GNG2: variants seen among roughly 807,000 people sequenced by gnomAD.
GNG2 encodes G protein subunit gamma 2.
In GNG2, 5 loss-of-function variants were observed where a neutral mutation model predicts 5.5. The observed-to-expected ratio is 0.91, with a 90% CI of 0.48 to 1.92. The LOEUF (loss-of-function observed/expected upper bound fraction) is 1.92, where lower values mean the gene tolerates loss of function less well. Ranked by LOEUF, GNG2 falls within the 30% of genes most tolerant of loss-of-function variation. The pLI, the probability that GNG2 is intolerant of heterozygous loss-of-function variation, is 0.01. For synonymous variants in GNG2, 28 were observed against 32.0 expected (o/e 0.88, Z 0.42); for missense variants, 55 against 88.4 (o/e 0.62, Z 1.52).
intron 1 of GNG2, among the ~76,000 whole-genome samples, chr14:51,861,575 G>A (rs1953863): frequency 0.41 from 62,963 of 152,122 alleles, 13,786 homozygotes; most frequent in South Asian, 0.5. Flanking sequence ...CAGCTGGGTT[G>A]TTTCCTTACG....
At position 51,854,728 on chromosome 14, in the gene GNG2, C is replaced by G. The variant is rs372408835; in HGVS notation, c.64+26921C>G. Among the ~76,000 whole-genome samples, 898 of 152,008 alleles carry G rather than the reference C, an allele frequency of 5.9e-3. 2 individuals carry two copies. Among genetic ancestry groups the G allele is most frequent in the Non-Finnish European group, 0.01 (703 of 67,904 alleles). The stretch of plus-strand genomic sequence containing the variant: ...GGGTTTTGCCATGTTGGCCAGGCTG[C>G]TCTCAAACCCCTGACCTCAAGTGAT... On this transcript the variant is annotated intron_variant, in intron 2 of 3. Transcript: ENST00000553432.
Position 51,942,583 on chromosome 14 carries a change from T to TTCTG in GNG2, c.-29-8064_-29-8063insGTCT, listed in dbSNP as rs771844202. 3.1e-3 allele frequency among the ~76,000 whole-genome samples: 210 copies of TTCTG among 67,248 alleles called. 1 individual carries two copies. Among genetic ancestry groups the TTCTG allele is most frequent in the East Asian group, 0.023 (75 of 3,212 alleles). The allele number at this position is 67,248 out of a possible 152,430, so 44.1% of individuals were successfully genotyped here. A position where few individuals can be genotyped will look rare whatever the true frequency, so the allele number is the denominator to read the frequency against. ...TTATTTATTTTTTCTCTTTCTTTCT[T>TTCTG]TCTTTCTTTTTTTTTTTTTTTTTAG... On this transcript the variant is annotated intron_variant, in intron 2 of 3. Transcript: ENST00000556766.
At position 51,918,366 on chromosome 14, in the gene GNG2, A is replaced by G. The variant is rs1329701467; in HGVS notation, c.-29-32284A>G. 2.0e-5 allele frequency among the ~76,000 whole-genome samples: 3 copies of G among 152,340 alleles called. No homozygotes were observed. In the East Asian group the frequency reaches 5.8e-4, roughly 29 times the overall value. ...AGCTGAGAGCATTTTTCCAAAAAAT[A>G]AAGTCAACTTTTACCTCCTTCATTT... On this transcript the variant is annotated intron_variant, in intron 2 of 3. Coordinates refer to ENST00000556766, the MANE Select transcript of GNG2 (RefSeq NM_053064.5).
intron 2 of GNG2, among the ~76,000 whole-genome samples, chr14:51,886,151 T>C (rs1373981305): frequency 1.3e-5 from 2 of 152,214 alleles, no homozygotes; most frequent in South Asian, 2.1e-4. Context: ...AAAAGGTTGA[T>C]GTCACCATGG....
intron 3 of GNG2, among the ~76,000 whole-genome samples, chr14:51,956,387 C>T (rs1889274245): frequency 6.6e-6 from 1 of 152,070 alleles, no homozygotes; most frequent in African/African-American, 2.4e-5. Context: ...AGACTAAGCT[C>T]TTACCTGTGG....
At chr14:51,828,555 A>G (rs1421373525) in intron 2 of GNG2, among the ~76,000 whole-genome samples, 1 of 152,162 alleles carries the variant, frequency 6.6e-6, no homozygotes, top group Non-Finnish European at 1.5e-5. Flanking sequence ...TGTTGTTTTC[A>G]CTGGGCTGTG....
At chr14:51,845,030 G>A (rs1034223544) in intron 2 of GNG2, among the ~76,000 whole-genome samples, 41 of 152,254 alleles carry the variant, frequency 2.7e-4, no homozygotes, top group African/African-American at 8.7e-4. Context: ...CAGCCCTCCT[G>A]CCACAATTTT....
At chr14:51,862,689 A>G (rs1198813005) in intron 1 of GNG2, among the ~76,000 whole-genome samples, 1 of 152,268 alleles carries the variant, frequency 6.6e-6, no homozygotes, top group Non-Finnish European at 1.5e-5. Flanking sequence ...GGCATAGTAG[A>G]GTCAAGAGGG....
Position 51,950,739 on chromosome 14 carries a change from A to G in GNG2, c.61A>G (p.Met21Val). The G allele has an allele frequency of 6.2e-7, 1 of 1,609,870 alleles. No homozygotes were observed. The highest frequency in any genetic ancestry group is 8.5e-7 in the Non-Finnish European group (1 of 1,178,126). The change falls in exon 3 of 4, where the codon ATG (methionine) becomes GTG (valine). Residue 21 changes from methionine to valine, a missense_variant. Physicochemically the swap from Met to Val is conservative, Grantham distance 21. Coordinates refer to ENST00000556766, the MANE Select transcript of GNG2 (RefSeq NM_053064.5). ...QARKLVEQLK[M>V]EANIDRIKVS... ...CAGGAAGCTGGTAGAGCAGCTTAAG[A>G]TGGAAGCCAATATCGACAGGATAAA...
chr14:51,962,492 A>T (rs1168364730), intron 3 of GNG2, among the ~76,000 whole-genome samples: 1 of 152,104 alleles, frequency 6.6e-6, no homozygotes, highest in Non-Finnish European at 1.5e-5. Context: ...AAAGATGTAA[A>T]TTTTTTGTAT....
intron 2 of GNG2, among the ~76,000 whole-genome samples, chr14:51,922,995 C>T (rs1376387417): frequency 2.0e-5 from 3 of 152,208 alleles, no homozygotes; most frequent in Non-Finnish European, 2.9e-5. Context: ...TGCCAACATA[C>T]GTTTTGTTAG....
At chr14:51,844,915 T>C (rs940468600) in intron 2 of GNG2, among the ~76,000 whole-genome samples, 5 of 152,032 alleles carry the variant, frequency 3.3e-5, no homozygotes, top group African/African-American at 1.2e-4. Flanking sequence ...TTAGTAGGGA[T>C]GGGGTTTCAC....
chr14:51,916,942 A>G (rs1886680930), intron 2 of GNG2, among the ~76,000 whole-genome samples: 1 of 152,142 alleles, frequency 6.6e-6, no homozygotes, highest in Admixed American at 6.5e-5. Flanking sequence ...CCTGGCTATG[A>G]GACTTAAGGA....
intron 1 of GNG2, among the ~76,000 whole-genome samples, chr14:51,862,309 C>T (rs758905105): frequency 5.3e-5 from 8 of 152,190 alleles, no homozygotes; most frequent in Non-Finnish European, 8.8e-5. Context: ...TTGAAGGATT[C>T]ACTGAATTTA....
rs571748618 is a variant in GNG2 at position 51,964,996 on chromosome 14, A to G, written c.88-1563A>G. On this transcript the variant is annotated intron_variant, in intron 3 of 3. Transcript: ENST00000556766. ...GCCATTTGTTAAAACCTCTGCATCA[A>G]TTAAGAGGGTTCCTCATAAATTATT... 6.9e-4 allele frequency among the ~76,000 whole-genome samples: 105 copies of G among 152,326 alleles called. 1 individual carries two copies. The highest frequency in any genetic ancestry group is 1.5e-3 in the South Asian group (7 of 4,822).
intron 2 of GNG2, among the ~76,000 whole-genome samples, chr14:51,935,183 C>T (rs994184916): frequency 2.0e-5 from 3 of 152,240 alleles, no homozygotes; most frequent in Admixed American, 6.5e-5. Context: ...TGCCACCACG[C>T]CCCGCTAATT....
intron 2 of GNG2, among the ~76,000 whole-genome samples, chr14:51,944,833 A>G (rs1347296650): frequency 6.6e-6 from 1 of 152,232 alleles, no homozygotes; most frequent in African/African-American, 2.4e-5. Context: ...GGACAGTTCA[A>G]CGGAGTGAAA....
chr14:51,884,221 C>T lies in GNG2; in HGVS notation c.-30+6564C>T, dbSNP rs532791832. Among the ~76,000 whole-genome samples the T allele has an allele frequency of 7.3e-4, 111 of 152,122 alleles. 1 individual carries two copies. The South Asian group carries it at 0.023, about 31-fold the overall frequency. On this transcript the variant is annotated intron_variant, in intron 2 of 3. Transcript: ENST00000556766. The stretch of plus-strand genomic sequence containing the variant: ...TATTTTTAAAATGTGCCTTTTAAAA[C>T]TGAAAGAAAAAAAATGTCAGAACCA...
intron 2 of GNG2, among the ~76,000 whole-genome samples, chr14:51,891,365 A>G (rs1207486499): frequency 7.9e-5 from 12 of 152,224 alleles, no homozygotes; most frequent in Admixed American, 7.9e-4. Flanking sequence ...TGAAAGCTAG[A>G]CATAGACCTA....
Sources: gnomAD v4.1 joint callset for allele counts (sites outside exome capture counted in the v4.1 genomes callset) on GRCh38, gnomAD v4.1.1 for gene constraint, MANE v1.5 for transcripts, NCBI Gene and HGNC (gene_info 2026-07-23, HGNC 2026-07-21) for gene names.